The following MACF1 variants were observed in gnomAD, a reference collection of about 807,000 sequenced individuals.
MACF1 encodes microtubule actin crosslinking factor 1.
MACF1 carries 193 observed loss-of-function variants against 854.8 expected under a neutral mutation model. The observed-to-expected ratio is 0.23, with a 90% CI of 0.20 to 0.25. The LOEUF (loss-of-function observed/expected upper bound fraction) is 0.25. Ranked by LOEUF, MACF1 falls within the 10% of genes least tolerant of loss-of-function variation. The probability of loss-of-function intolerance (pLI) is 1.00; values close to 1 mark genes in which losing one functional copy is unlikely to be tolerated. For missense variants in MACF1, 7,722 were observed against 8,929.1 expected (o/e 0.86, Z 5.45); for synonymous variants, 3,185 against 3,226.7 (o/e 0.99, Z 0.44).
In MACF1 at chr1:39,462,115, T is replaced by A; in HGVS notation, c.21678+78T>A. ...TCCTGAATTTGGTTGGGTTCAGTGA[T>A]CATATTAGCCTTTGACTTGTCTGTT... On this transcript the variant is annotated intron_variant, in intron 93 of 100. Coordinates refer to ENST00000564288, the MANE Select transcript of MACF1 (RefSeq NM_001394062.1). 4 of 1,397,708 alleles carry A rather than the reference T, an allele frequency of 2.9e-6. No individual in the cohort carries two copies. The South Asian group carries it at 5.0e-5, about 17-fold the overall frequency. The allele number at this position is 1,397,708 out of a possible 1,614,324, so 86.6% of individuals were successfully genotyped here. A position where few individuals can be genotyped will look rare whatever the true frequency, so the allele number is the denominator to read the frequency against.
intron 58 of MACF1, among the ~76,000 whole-genome samples, chr1:39,396,285 A>T (rs1255657141): frequency 6.7e-6 from 1 of 148,964 alleles, no homozygotes; most frequent in Non-Finnish European, 1.5e-5. Context: ...GCGCCACTGC[A>T]CTCCAACCTG....
intron 4 of MACF1, 167 bp from the exon 5 acceptor site, chr1:39,254,130 AC>A (rs1645072672): frequency 3.4e-6 from 2 of 593,162 alleles, no homozygotes; most frequent in Non-Finnish European, 6.0e-6. Flanking sequence ...CCTGGTCGAA[AC>A]ACGTACAGGC....
At chr1:39,474,733 A>G (rs958496476) in intron 97 of MACF1, among the ~76,000 whole-genome samples, 1 of 152,154 alleles carries the variant, frequency 6.6e-6, no homozygotes, top group Admixed American at 6.5e-5. Flanking sequence ...GTGTGTGTGT[A>G]TAAGTGTATG....
chr1:39,166,001 T>C (rs1378098207), intron 2 of MACF1, among the ~76,000 whole-genome samples: 1 of 152,196 alleles, frequency 6.6e-6, no homozygotes. Context: ...ACAAAGATTA[T>C]TGATAGTCCC....
chr1:39,156,096 C>T (rs896778605), intron 2 of MACF1, among the ~76,000 whole-genome samples: 2 of 152,050 alleles, frequency 1.3e-5, no homozygotes, highest in African/African-American at 2.4e-5. Flanking sequence ...ATCGTGGTCT[C>T]GATCTCCTGA....
At chr1:39,480,043 C>T (rs756854852) in intron 98 of MACF1, 34 bp downstream of exon 98, 1 of 1,569,872 alleles carries the variant, frequency 6.4e-7, no homozygotes, top group South Asian at 1.1e-5. Flanking sequence ...CCTTCTTCCC[C>T]AATCCCACCC....
chr1:39,210,715 G>A (rs1458924699), intron 1 of MACF1, among the ~76,000 whole-genome samples: 1 of 152,040 alleles, frequency 6.6e-6, no homozygotes, highest in Non-Finnish European at 1.5e-5. Flanking sequence ...GATTCAGTTC[G>A]ATCATCTGGC....
intron 26 of MACF1, among the ~76,000 whole-genome samples, chr1:39,313,037 T>G (rs533028429): frequency 6.6e-6 from 1 of 152,300 alleles, no homozygotes; most frequent in South Asian, 2.1e-4. Context: ...CTTGAAATAG[T>G]TTCTCAACTT....
upstream of MACF1, among the ~76,000 whole-genome samples, chr1:39,201,899 C>T (rs1644393962): frequency 1.3e-5 from 2 of 149,216 alleles, no homozygotes. Context: ...GGACTTTGCA[C>T]TTGTTCTTTG....
chr1:39,328,030 T>C (rs1249269956), intron 36 of MACF1, among the ~76,000 whole-genome samples: 1 of 152,226 alleles, frequency 6.6e-6, no homozygotes, highest in Non-Finnish European at 1.5e-5. Flanking sequence ...ATTTCCTATG[T>C]TGTGAAGCAA....
At chr1:39,394,625 A>AAAAAAG (rs962731550) in intron 58 of MACF1, among the ~76,000 whole-genome samples, 2 of 152,182 alleles carry the variant, frequency 1.3e-5, no homozygotes, top group African/African-American at 4.8e-5. Flanking sequence ...TCCGTCTCCA[A>AAAAAAG]AAAAAGAAAA....
chr1:39,133,863 G>A (rs540913550), intron 2 of MACF1, among the ~76,000 whole-genome samples: 1 of 152,126 alleles, frequency 6.6e-6, no homozygotes, highest in South Asian at 2.1e-4. Flanking sequence ...CCTTGAAGAA[G>A]TCCAGAAAAA....
intron 58 of MACF1, among the ~76,000 whole-genome samples, chr1:39,399,630 G>C (rs895118117): frequency 6.6e-6 from 1 of 151,978 alleles, no homozygotes; most frequent in East Asian, 1.9e-4. Context: ...ACCCACCTCG[G>C]CCTCCCAAAG....
chr1:39,309,500 T>G, intron 23 of MACF1, 70 bp from the exon 24 acceptor site: 1 of 1,572,508 alleles, frequency 6.4e-7, no homozygotes, highest in Non-Finnish European at 8.7e-7. Context: ...ATCACATTTT[T>G]CCTTAGAAGG....
chr1:39,298,948 TGGC>T (rs1002819600), intron 21 of MACF1, among the ~76,000 whole-genome samples: 22 of 152,108 alleles, frequency 1.4e-4, no homozygotes, highest in African/African-American at 3.1e-4. Flanking sequence ...GTCATCGGGT[TGGC>T]GGCGTCATCG....
At chr1:39,344,313 T>G (rs1207921765) in intron 40 of MACF1, among the ~76,000 whole-genome samples, 3 of 151,064 alleles carry the variant, frequency 2.0e-5, no homozygotes, top group Non-Finnish European at 4.4e-5. Flanking sequence ...GCACCTGTAA[T>G]CTCAGTTACT....
chr1:39,451,028 G>T, intron 84 of MACF1, 24 bp from the exon 85 acceptor site: 1 of 1,606,062 alleles, frequency 6.2e-7, no homozygotes, highest in African/African-American at 1.3e-5. Flanking sequence ...CCTAAAAATG[G>T]TAGCGTTTGT....
intron 65 of MACF1, 64 bp from the exon 66 acceptor site, chr1:39,430,638 C>T: frequency 7.7e-7 from 1 of 1,293,034 alleles, no homozygotes; most frequent in Non-Finnish European, 1.1e-6. Flanking sequence ...AATTTCCACC[C>T]AGCACAGTTG....
intron 58 of MACF1, among the ~76,000 whole-genome samples, chr1:39,405,116 GA>G (rs1202393498): frequency 3.3e-5 from 5 of 152,136 alleles, no homozygotes; most frequent in African/African-American, 1.2e-4. Flanking sequence ...ATGGGTTCAC[GA>G]GTACATGAGA....
Sources: allele counts gnomAD v4.1 joint callset (sites outside exome capture counted in the v4.1 genomes callset), GRCh38; gene constraint gnomAD v4.1.1; transcripts MANE v1.5; gene names NCBI Gene and HGNC (gene_info 2026-07-23, HGNC 2026-07-21).